The following VPS9D1 variants were observed in gnomAD, a reference collection of about 807,000 sequenced individuals.
The protein encoded by VPS9D1 is VPS9 domain containing 1.
VPS9D1 carries 78 observed loss-of-function variants against 75.8 expected under a neutral mutation model. That is an observed-to-expected ratio of 1.03 (90% CI 0.86 to 1.24). The LOEUF (loss-of-function observed/expected upper bound fraction) is 1.24. Ranked by LOEUF, VPS9D1 falls within the 50% of genes most tolerant of loss-of-function variation. VPS9D1 has a pLI of 0.00. For synonymous variants in VPS9D1, 481 were observed against 385.6 expected (o/e 1.25, Z -2.90); for missense variants, 1,057 against 847.7 (o/e 1.25, Z -3.07).
rs368390300 is a variant in VPS9D1, at chr16:89,709,373, G to A, written c.1451C>T (p.Pro484Leu). The A allele has an allele frequency of 1.5e-5, 23 of 1,568,080 alleles. No individual in the cohort carries two copies. In the South Asian group the frequency reaches 2.4e-4, roughly 16 times the overall value. Residue 484 changes from proline to leucine, a missense_variant, in exon 12 of 15, where the codon CCC becomes CTC. Physicochemically the swap from Pro to Leu is moderately conservative, Grantham distance 98 (BLOSUM62 -3). Transcript: ENST00000389386. ...GGTGGGGATGCCAATGGCGGTGGGGGGTGCATTCCTGTAGAGCTCCATGCT... is the reference window on the plus strand; with the variant it reads ...GGTGGGGATGCCAATGGCGGTGGGGAGTGCATTCCTGTAGAGCTCCATGCT... ...SRSMELYRNA[P>L]PTAIGIPTKL...
chr16:89,713,009 A>C (rs2060974157), intron 4 of VPS9D1: 1 of 224,426 alleles, frequency 4.5e-6, no homozygotes, highest in African/African-American at 2.3e-5. Flanking sequence ...ACATGGTGAA[A>C]CTCTGTCTCT....
chr16:89,715,373 C>A (rs1448358815), intron 4 of VPS9D1, among the ~76,000 whole-genome samples: 1 of 151,540 alleles, frequency 6.6e-6, no homozygotes, highest in Non-Finnish European at 1.5e-5. Flanking sequence ...ACTATAGGTG[C>A]CCGCCACCAC....
chr16:89,714,363 A>C (rs557036113), intron 4 of VPS9D1, among the ~76,000 whole-genome samples: 1 of 152,316 alleles, frequency 6.6e-6, no homozygotes, highest in South Asian at 2.1e-4. Flanking sequence ...CTTTAAAGGC[A>C]CTATGTGGGT....
Position 89,708,915 on chromosome 16 carries a change from A to C in VPS9D1, c.1639T>G (p.Cys547Gly). Residue 547 changes from cysteine to glycine, a missense_variant, in exon 13 of 15, where the codon TGC (cysteine) becomes GGC (glycine). Cys to Gly is a radical substitution (Grantham distance 159, BLOSUM62 -3). Transcript: ENST00000389386. ...TGGGGTGTGGCCTCTGGGGTGGGGC[A>C]GTAGTCTTCCGCACAGACACAGATG... ...RIICVCAEDYCPTPEATPQAG... is the reference protein window; with the variant it reads ...RIICVCAEDYGPTPEATPQAG... The C allele has an allele frequency of 3.1e-6, 5 of 1,601,428 alleles. No homozygotes were observed. Among genetic ancestry groups the C allele is most frequent in the Non-Finnish European group, 4.3e-6 (5 of 1,176,166 alleles).
Position 89,719,026 on chromosome 16 carries a change from C to T in VPS9D1, c.175+1G>A. The T allele has an allele frequency of 3.7e-6, 6 of 1,612,846 alleles. No homozygotes were observed. Among genetic ancestry groups the T allele is most frequent in the Non-Finnish European group, 5.1e-6 (6 of 1,179,592 alleles). ...ACCGCGCCCGGCTGGCTGAGCCGTACCTTTAGTGGTTTCCACTTCTTCTAG... is the reference window on the plus strand; with the variant it reads ...ACCGCGCCCGGCTGGCTGAGCCGTATCTTTAGTGGTTTCCACTTCTTCTAG... On this transcript the variant is annotated splice_donor_variant, in intron 2 of 14. Coordinates refer to ENST00000389386, the MANE Select transcript of VPS9D1 (RefSeq NM_004913.3). LOFTEE classifies it high-confidence loss of function.
intron 2 of VPS9D1, chr16:89,717,468 G>C (rs930991883): frequency 4.6e-6 from 2 of 431,494 alleles, no homozygotes; most frequent in Non-Finnish European, 9.5e-6. Context: ...ACCTCTGCGC[G>C]ACCATGGACC....
At chr16:89,708,668 G>A in intron 13 of VPS9D1, 137 bp from the exon 14 acceptor site, 1 of 1,111,396 alleles carries the variant, frequency 9.0e-7, no homozygotes, top group South Asian at 1.5e-5. Context: ...AAGGCAGCTG[G>A]GCATGGTGAG....
intron 10 of VPS9D1, among the ~76,000 whole-genome samples, chr16:89,710,308 G>C (rs1210641797): frequency 6.6e-6 from 1 of 152,172 alleles, no homozygotes; most frequent in Non-Finnish European, 1.5e-5. Context: ...ACTCTGGGCT[G>C]GGCGCGGTGG....
chr16:89,719,406 C>T lies in VPS9D1; in HGVS notation c.100-304G>A, dbSNP rs1022641038. On this transcript the variant is annotated intron_variant, in intron 1 of 14. Transcript: ENST00000389386. ...ACTGCCTTTCTCTCCAGCACAGGAACTGATATTCTCATTCAGTGGGCCTGG... is the reference window on the plus strand; with the variant it reads ...ACTGCCTTTCTCTCCAGCACAGGAATTGATATTCTCATTCAGTGGGCCTGG... 1.9e-5 allele frequency: 10 copies of T among 518,796 alleles called. No individual in the cohort carries two copies. The East Asian group carries it at 2.4e-4, about 13-fold the overall frequency. The allele number at this position is 518,796 out of a possible 1,614,324, so 32.1% of individuals were successfully genotyped here.
At chr16:89,709,069 G>A (rs1175351953) in intron 12 of VPS9D1, 113 bp from the exon 13 acceptor site, 4 of 1,362,542 alleles carry the variant, frequency 2.9e-6, no homozygotes, top group African/African-American at 1.6e-5. Flanking sequence ...GAAGAGCCAC[G>A]GTGACCCTGG....
chr16:89,710,406 T>A (rs2060887931), intron 10 of VPS9D1, among the ~76,000 whole-genome samples, 180 bp downstream of exon 10: 1 of 152,094 alleles, frequency 6.6e-6, no homozygotes, highest in Non-Finnish European at 1.5e-5. Flanking sequence ...ACCAACATGG[T>A]GAAACTCCGT....
intron 9 of VPS9D1, 27 bp downstream of exon 9, chr16:89,711,300 C>A: frequency 6.3e-7 from 1 of 1,588,848 alleles, no homozygotes. Context: ...TGCGCAGGGG[C>A]TCTGTGGGGC....
chr16:89,713,852 C>CA (rs886462168), intron 4 of VPS9D1, among the ~76,000 whole-genome samples: 1 of 151,666 alleles, frequency 6.6e-6, no homozygotes, highest in African/African-American at 2.4e-5. Context: ...ATTAAAAATA[C>CA]AAAAAATTAG....
At chr16:89,720,735 G>T in intron 1 of VPS9D1, 28 bp downstream of exon 1, 6 of 1,425,144 alleles carry the variant, frequency 4.2e-6, no homozygotes, top group Non-Finnish European at 5.5e-6. Context: ...ACCCTCAGCG[G>T]CCAAGCCCCG....
intron 1 of VPS9D1, 169 bp downstream of exon 1, chr16:89,720,594 C>A: frequency 8.2e-7 from 1 of 1,225,266 alleles, no homozygotes; most frequent in Non-Finnish European, 1.0e-6. Context: ...TCACTGCACG[C>A]CCGGCTGCGC....
chr16:89,711,875 G>A lies in VPS9D1; in HGVS notation c.747+7C>T, dbSNP rs759592085. The A allele has an allele frequency of 5.2e-6, 8 of 1,550,100 alleles. No individual in the cohort carries two copies. Among genetic ancestry groups the A allele is most frequent in the Admixed American group, 2.0e-5 (1 of 50,984 alleles). ...TCCTACAAAGCCTGGGCCCGTGGGG[G>A]ACGCACATGGTCCTGTTCGTACTCC... On this transcript the variant is annotated splice_region_variant and intron_variant, in intron 8 of 14. Coordinates refer to ENST00000389386, the MANE Select transcript of VPS9D1 (RefSeq NM_004913.3).
chr16:89,711,205 G>C (rs1031468844), intron 9 of VPS9D1, 122 bp downstream of exon 9: 2 of 1,228,912 alleles, frequency 1.6e-6, no homozygotes, highest in Admixed American at 4.7e-5. Context: ...GGGAGCTGCA[G>C]TGTCCACGTG....
intron 2 of VPS9D1, chr16:89,717,996 C>T (rs549580986): frequency 5.1e-5 from 23 of 447,626 alleles, no homozygotes; most frequent in South Asian, 1.9e-4. Flanking sequence ...GTGGCTCCCC[C>T]GACCTCTGTG....
intron 10 of VPS9D1, among the ~76,000 whole-genome samples, chr16:89,710,157 T>G (rs2060882622): frequency 6.6e-6 from 1 of 152,288 alleles, no homozygotes; most frequent in African/African-American, 2.4e-5. Context: ...AAAAGGGGCT[T>G]TACCCAAAAC....
Sources: gnomAD v4.1 joint callset for allele counts (sites outside exome capture counted in the v4.1 genomes callset) on GRCh38, gnomAD v4.1.1 for gene constraint, MANE v1.5 for transcripts, NCBI Gene and HGNC (gene_info 2026-07-23, HGNC 2026-07-21) for gene names.